The following DCDC2 variants were observed in gnomAD, a reference collection of about 807,000 sequenced individuals.
DCDC2 encodes the protein doublecortin domain-containing protein 2.
In DCDC2, 40 loss-of-function variants were observed where a neutral mutation model predicts 50.2. That is an observed-to-expected ratio of 0.80 (90% CI 0.62 to 1.04). The LOEUF (loss-of-function observed/expected upper bound fraction) is 1.04, where lower values mean the gene tolerates loss of function less well. Ranked by LOEUF, DCDC2 falls within the 50% of genes least tolerant of loss-of-function variation. The pLI is 0.00. For missense variants in DCDC2, 570 were observed against 581.9 expected (o/e 0.98, Z 0.21); for synonymous variants, 234 against 210.6 (o/e 1.11, Z -0.96).
intron 7 of DCDC2, among the ~76,000 whole-genome samples, chr6:24,273,570 T>A (rs1763286758): frequency 6.6e-6 from 1 of 152,224 alleles, no homozygotes; most frequent in East Asian, 1.9e-4. Context: ...GGTGCCTTCT[T>A]ACATATTTGC....
intron 8 of DCDC2, among the ~76,000 whole-genome samples, chr6:24,198,704 G>A (rs1184842305): frequency 6.6e-6 from 1 of 152,134 alleles, no homozygotes. Context: ...GAGCCAAGTG[G>A]TCTAGCTCAG....
At chr6:24,363,139 G>A in the DCDC2 span, among the ~76,000 whole-genome samples, 1 of 152,154 alleles carries the variant, frequency 6.6e-6, no homozygotes, top group Non-Finnish European at 1.5e-5. Flanking sequence ...TATATGAAAG[G>A]CATTGAGAAT....
At chr6:24,299,786 G>C (rs190449256) in intron 4 of DCDC2, among the ~76,000 whole-genome samples, 1 of 152,130 alleles carries the variant, frequency 6.6e-6, no homozygotes, top group Non-Finnish European at 1.5e-5. Flanking sequence ...GGGCATGGTG[G>C]CAGGCGCCTG....
intron 2 of DCDC2, among the ~76,000 whole-genome samples, chr6:24,327,748 T>A (rs1369061404): frequency 6.6e-6 from 1 of 152,130 alleles, no homozygotes; most frequent in Admixed American, 6.6e-5. Context: ...GTGCTGGGAT[T>A]ACAAGTGTGA....
intron 6 of DCDC2, among the ~76,000 whole-genome samples, chr6:24,280,405 T>A (rs1367523252): frequency 6.6e-6 from 1 of 151,998 alleles, no homozygotes; most frequent in Non-Finnish European, 1.5e-5. Flanking sequence ...GATTCTTTCT[T>A]GAGAAACTTA....
chr6:24,201,096 C>T lies in DCDC2; in HGVS notation c.1023+3906G>A, dbSNP rs558281755. 3.0e-3 allele frequency among the ~76,000 whole-genome samples: 313 copies of T among 103,396 alleles called. 1 individual carries two copies. The highest frequency in any genetic ancestry group is 0.012 in the African/African-American group (271 of 23,376). 67.8% of individuals were successfully genotyped at this position (103,396 alleles called of 152,430 possible). A position where few individuals can be genotyped will look rare whatever the true frequency, so the allele number is the denominator to read the frequency against. ...CCGCTATCAATATAAGACAGATCAA[C>T]GAGACAGAACATTAACAAGGATATT... On this transcript the variant is annotated intron_variant, in intron 8 of 9. Transcript: ENST00000378454.
At chr6:24,274,560 T>TCTG (rs982619141) in intron 7 of DCDC2, among the ~76,000 whole-genome samples, 5 of 144,008 alleles carry the variant, frequency 3.5e-5, no homozygotes, top group African/African-American at 1.3e-4. Flanking sequence ...ATGTCACTGC[T>TCTG]CTGCTTGAAT....
chr6:24,278,327 CCTGGTTCTGCAA>C, intron 6 of DCDC2, 116 bp from the exon 7 acceptor site: 1 of 873,978 alleles, frequency 1.1e-6, no homozygotes, highest in Non-Finnish European at 1.7e-6. Flanking sequence ...GGTGTATTGT[CCTGGTTCTGCAA>C]CTGTCTATCT....
At position 24,178,328 on chromosome 6, in the gene DCDC2, A is replaced by G; in HGVS notation, c.1326+2T>C. The G allele has an allele frequency of 6.2e-7, 1 of 1,612,172 alleles. No homozygotes were observed. ...ATAAGCAAGCAAAAGCAATAGAAAT[A>G]CCTCATCTTGTCCACTGCCAGCTCC... On this transcript the variant is annotated splice_donor_variant, in intron 9 of 9. Transcript: ENST00000378454. LOFTEE classifies it high-confidence loss of function.
chr6:24,348,830 T>C (rs1004327852), intron 2 of DCDC2, among the ~76,000 whole-genome samples: 9 of 152,184 alleles, frequency 5.9e-5, no homozygotes, highest in African/African-American at 2.2e-4. Context: ...TTTACTTCTC[T>C]GTCTCTTCTC....
intron 7 of DCDC2, among the ~76,000 whole-genome samples, chr6:24,256,291 T>TTA (rs1561745661): frequency 2.0e-5 from 3 of 151,650 alleles, no homozygotes; most frequent in Admixed American, 6.6e-5. Context: ...TTTTTTTTTT[T>TTA]ATCTGACTGT....
At chr6:24,353,772 C>T in intron 1 of DCDC2, 149 bp from the exon 2 acceptor site, 1 of 534,244 alleles carries the variant, frequency 1.9e-6, no homozygotes, top group Non-Finnish European at 3.2e-6. Flanking sequence ...AAAGCAATTA[C>T]AATAGTAAAA....
chr6:24,237,166 G>C (rs1212947773), intron 7 of DCDC2, among the ~76,000 whole-genome samples: 1 of 143,634 alleles, frequency 7.0e-6, no homozygotes, highest in Admixed American at 6.9e-5. Flanking sequence ...ACTCTAGTCA[G>C]AATGGCTATC....
At chr6:24,377,161 C>T in the DCDC2 span, among the ~76,000 whole-genome samples, 1 of 152,192 alleles carries the variant, frequency 6.6e-6, no homozygotes, top group African/African-American at 2.4e-5. Context: ...AGATGGACTA[C>T]GTAGCTGCCA....
chr6:24,236,282 C>G (rs1342482567), intron 7 of DCDC2, among the ~76,000 whole-genome samples: 1 of 152,124 alleles, frequency 6.6e-6, no homozygotes, highest in Non-Finnish European at 1.5e-5. Flanking sequence ...AAGCTGCACA[C>G]CTATAGCCAT....
At position 24,301,603 on chromosome 6, in the gene DCDC2, G is replaced by C. The variant is rs1320077109; in HGVS notation, c.557+112C>G. Reference sequence around the variant, plus strand: ...CAGATAAAGAAACTGAGGCATACGGGGCCTAACTGGGGAGCCAAAATTCAA... The same window carrying C: ...CAGATAAAGAAACTGAGGCATACGGCGCCTAACTGGGGAGCCAAAATTCAA... On this transcript the variant is annotated intron_variant, in intron 4 of 9. Transcript: ENST00000378454. 2.4e-6 allele frequency: 3 copies of C among 1,229,784 alleles called. No homozygotes were observed. In the East Asian group the frequency reaches 7.0e-5, roughly 29 times the overall value. 76.2% of individuals were successfully genotyped at this position (1,229,784 alleles called of 1,614,324 possible).
At position 24,257,394 on chromosome 6, in the gene DCDC2, CAA is replaced by C. The variant is rs139574241; in HGVS notation, c.922+20653_922+20654del. 4.2e-3 allele frequency among the ~76,000 whole-genome samples: 645 copies of C among 152,200 alleles called. 6 individuals carry two copies. Among genetic ancestry groups the C allele is most frequent in the African/African-American group, 0.014 (595 of 41,534 alleles). ...AATAATAAGCAGGAGTCCTGGCTCT[CAA>C]AGAGTTCACGCACCAGTGGAGAGAA... On this transcript the variant is annotated intron_variant, in intron 7 of 9. Coordinates refer to ENST00000378454, the MANE Select transcript of DCDC2 (RefSeq NM_016356.5).
At chr6:24,216,751 G>A (rs1288612828) in intron 7 of DCDC2, among the ~76,000 whole-genome samples, 1 of 152,240 alleles carries the variant, frequency 6.6e-6, no homozygotes, top group Non-Finnish European at 1.5e-5. Context: ...GCAAACATTT[G>A]TACAGAAATT....
intron 2 of DCDC2, among the ~76,000 whole-genome samples, chr6:24,314,420 C>T (rs2113847317): frequency 6.6e-6 from 1 of 152,100 alleles, no homozygotes; most frequent in Non-Finnish European, 1.5e-5. Context: ...TTGAAATGAG[C>T]TATGATCATG....
Sources: gnomAD v4.1 joint callset for allele counts (sites outside exome capture counted in the v4.1 genomes callset) on GRCh38, gnomAD v4.1.1 for gene constraint, MANE v1.5 for transcripts, NCBI Gene and HGNC (gene_info 2026-07-23, HGNC 2026-07-21) for gene names.